The following C8orf89 variants were observed in gnomAD, a reference collection of about 807,000 sequenced individuals.
C8orf89 encodes the protein chromosome 8 open reading frame 89.
A neutral mutation model predicts 15.8 loss-of-function variants in C8orf89; 14 were observed. That is an observed-to-expected ratio of 0.89 (90% CI 0.59 to 1.39). The LOEUF (loss-of-function observed/expected upper bound fraction) is 1.39. Among genes scored for constraint, C8orf89 ranks in the 40% most tolerant of loss-of-function variants. The pLI, the probability that C8orf89 is intolerant of heterozygous loss-of-function variation, is 0.00. For synonymous variants in C8orf89, 55 were observed against 62.2 expected (o/e 0.88, Z 0.54); for missense variants, 181 against 184.5 (o/e 0.98, Z 0.11).
chr8:73,256,291 C>A (rs1813381854), intron 2 of C8orf89, among the ~76,000 whole-genome samples: 1 of 151,970 alleles, frequency 6.6e-6, no homozygotes, highest in Admixed American at 6.6e-5. Context: ...TTCAGTCAGA[C>A]CAGAAATGAA....
At chr8:73,285,759 C>T in the C8orf89 span, among the ~76,000 whole-genome samples, 2 of 152,202 alleles carry the variant, frequency 1.3e-5, no homozygotes, top group Non-Finnish European at 2.9e-5. Flanking sequence ...CCCACCTCAG[C>T]CCCCCGCCCA....
the C8orf89 span, chr8:73,277,893 T>C: frequency 2.2e-4 from 150 of 687,058 alleles, no homozygotes; most frequent in African/African-American, 2.0e-3. Flanking sequence ...TTCAGGTCTA[T>C]ATCCTCCAGG....
At chr8:73,260,013 A>G (rs975637260), upstream of C8orf89, among the ~76,000 whole-genome samples, 11 of 152,238 alleles carry the variant, frequency 7.2e-5, no homozygotes, top group African/African-American at 2.2e-4. Context: ...TGAAATGCCT[A>G]TTTTTCCAGG....
In C8orf89 at chr8:73,252,050, A is replaced by T. The variant is rs530745177; in HGVS notation, c.282-1727T>A. On this transcript the variant is annotated intron_variant, in intron 2 of 3. Coordinates refer to ENST00000624510, the MANE Select transcript of C8orf89 (RefSeq NM_001243237.3). ...ATTTTCCACTTTGACTTAAGTTACCATCTGGTAGCAACTCTCTCTCTCTTC... is the reference window on the plus strand; with the variant it reads ...ATTTTCCACTTTGACTTAAGTTACCTTCTGGTAGCAACTCTCTCTCTCTTC... 2.0e-5 allele frequency among the ~76,000 whole-genome samples: 3 copies of T among 152,312 alleles called. No individual in the cohort carries two copies. In the South Asian group the frequency reaches 6.2e-4, roughly 32 times the overall value.
chr8:73,262,313 C>T (rs149746541), upstream of C8orf89, among the ~76,000 whole-genome samples: 73 of 152,176 alleles, frequency 4.8e-4, no homozygotes, highest in African/African-American at 1.6e-3. Context: ...CACCCTCCAG[C>T]GGACATCTGC....
At chr8:73,284,644 G>C in the C8orf89 span, among the ~76,000 whole-genome samples, 1 of 152,218 alleles carries the variant, frequency 6.6e-6, no homozygotes, top group East Asian at 1.9e-4. Flanking sequence ...AAAAAGTAAA[G>C]AAAGGCATAG....
rs368751336 is a variant in C8orf89, at chr8:73,249,742, T to A, written c.337+526A>T. 4.9e-4 allele frequency among the ~76,000 whole-genome samples: 75 copies of A among 152,312 alleles called. 1 individual carries two copies. In the South Asian group the frequency reaches 0.015, roughly 29 times the overall value. On this transcript the variant is annotated intron_variant, in intron 3 of 3. Coordinates refer to ENST00000624510, the MANE Select transcript of C8orf89 (RefSeq NM_001243237.3). Reference sequence around the variant, plus strand: ...AGGAGTAACTTGACTTAAAAGTAGTTTTTTGGGACCAAAACTATTGGTATA... The same window carrying A: ...AGGAGTAACTTGACTTAAAAGTAGTATTTTGGGACCAAAACTATTGGTATA...
chr8:73,266,996 G>C, the C8orf89 span, among the ~76,000 whole-genome samples: 3 of 152,116 alleles, frequency 2.0e-5, no homozygotes, highest in Non-Finnish European at 4.4e-5. Flanking sequence ...TTAATGAGGT[G>C]CCAACTGACC....
chr8:73,262,260 C>G (rs923415807), upstream of C8orf89, among the ~76,000 whole-genome samples: 2 of 152,270 alleles, frequency 1.3e-5, no homozygotes, highest in African/African-American at 4.8e-5. Flanking sequence ...AGCCCCTCTT[C>G]TAGGACAGAA....
At position 73,246,271 on chromosome 8, in the gene C8orf89, TA is replaced by T. The variant is rs1386260676; in HGVS notation, c.337+3996del. On this transcript the variant is annotated intron_variant, in intron 3 of 3. Coordinates refer to ENST00000624510, the MANE Select transcript of C8orf89 (RefSeq NM_001243237.3). Reference sequence around the variant, plus strand: ...GAAACTAGTGTAGGCACTGTAGGGATATGAAGGTGAGTGAATAAGACACAGA... The same window carrying T: ...GAAACTAGTGTAGGCACTGTAGGGATTGAAGGTGAGTGAATAAGACACAGA... Among the ~76,000 whole-genome samples the T allele has an allele frequency of 2.0e-5, 3 of 152,170 alleles. No individual in the cohort carries two copies. In the East Asian group the frequency reaches 5.8e-4, roughly 29 times the overall value.
At chr8:73,252,529 CT>C (rs993147244) in intron 2 of C8orf89, among the ~76,000 whole-genome samples, 4 of 151,930 alleles carry the variant, frequency 2.6e-5, no homozygotes, top group East Asian at 1.9e-4. Flanking sequence ...AATTATTTTC[CT>C]TTTTTTCTGC....
At chr8:73,264,011 T>TG (rs142808677), upstream of C8orf89, among the ~76,000 whole-genome samples, 2,549 of 152,318 alleles carry the variant, frequency 0.017, 69 homozygotes, top group African/African-American at 0.056. Context: ...TATACATTAT[T>TG]GATTCATTAA....
rs11288188 is a variant in C8orf89, at chr8:73,256,726, C to CAAAAAAAAAAAA, written c.281+235_281+246dup. ...CTGGCAAAACAGCGAGACTCTGTCT[C>CAAAAAAAAAAAA]AAAAAAAAAAAAAAAAAAAAAAAGC... On this transcript the variant is annotated intron_variant, in intron 2 of 3. Coordinates refer to ENST00000624510, the MANE Select transcript of C8orf89 (RefSeq NM_001243237.3). Among the ~76,000 whole-genome samples the CAAAAAAAAAAAA allele has an allele frequency of 1.1e-4, 5 of 43,704 alleles. 1 individual carries two copies. The highest frequency in any genetic ancestry group is 3.9e-4 in the African/African-American group (5 of 12,714). The allele number at this position is 43,704 out of a possible 152,430, so 28.7% of individuals were successfully genotyped here.
intron 2 of C8orf89, among the ~76,000 whole-genome samples, chr8:73,255,171 G>T (rs1397620210): frequency 6.6e-6 from 1 of 151,852 alleles, no homozygotes; most frequent in Non-Finnish European, 1.5e-5. Flanking sequence ...TACCATCAGA[G>T]TGAACAGGCA....
intron 2 of C8orf89, among the ~76,000 whole-genome samples, chr8:73,250,648 G>A (rs1813226958): frequency 6.6e-6 from 1 of 151,962 alleles, no homozygotes. Flanking sequence ...CACTTTTTTT[G>A]TACACTTTTT....
chr8:73,256,040 C>T (rs1373560416), intron 2 of C8orf89, among the ~76,000 whole-genome samples: 5 of 151,436 alleles, frequency 3.3e-5, no homozygotes, highest in Admixed American at 1.3e-4. Context: ...AGCGCACCAG[C>T]ATGGCACATG....
the C8orf89 span, chr8:73,278,004 A>T: frequency 3.9e-5 from 23 of 590,654 alleles, no homozygotes; most frequent in South Asian, 2.2e-4. Flanking sequence ...CCGAGGGACC[A>T]CATGCCCATG....
the C8orf89 span, chr8:73,277,379 A>G: frequency 8.3e-6 from 9 of 1,087,380 alleles, no homozygotes; most frequent in Non-Finnish European, 1.1e-5. Flanking sequence ...TCTGAGGCCA[A>G]AGTCTGTGGT....
At chr8:73,262,429 A>G (rs1813546013), upstream of C8orf89, among the ~76,000 whole-genome samples, 2 of 152,172 alleles carry the variant, frequency 1.3e-5, no homozygotes, top group Non-Finnish European at 2.9e-5. Context: ...CTTTTTAGTA[A>G]AAGTTCACAT....
Sources: gnomAD v4.1 joint callset for allele counts (sites outside exome capture counted in the v4.1 genomes callset) on GRCh38, gnomAD v4.1.1 for gene constraint, MANE v1.5 for transcripts, NCBI Gene and HGNC (gene_info 2026-07-23, HGNC 2026-07-21) for gene names.